KRT15: variants seen among roughly 807,000 people sequenced by gnomAD.
KRT15 encodes the protein keratin 15, also known as keratin, type I cytoskeletal 15.
KRT15 carries 45 observed loss-of-function variants against 46.6 expected under a neutral mutation model. That is an observed-to-expected ratio of 0.97 (90% CI 0.76 to 1.24). KRT15 has a LOEUF of 1.24. Among genes scored for constraint, KRT15 ranks in the 50% most tolerant of loss-of-function variants. KRT15 has a pLI of 0.00. For missense variants in KRT15, 592 were observed against 588.9 expected (o/e 1.01, Z -0.05); for synonymous variants, 221 against 233.8 (o/e 0.95, Z 0.50).
chr17:41,516,239 C>T lies in KRT15; in HGVS notation c.765G>A (p.Leu255=), dbSNP rs1345936584. ...EEEMKEFSSQ[L]AGQVNVEMDA... is the part of the protein sequence containing the mutation. ...CCATCTCCACATTGACCTGGCCGGCCAGCTGGCTGCTGAACTCCTTCATCT... is the reference window on the plus strand; with the variant it reads ...CCATCTCCACATTGACCTGGCCGGCTAGCTGGCTGCTGAACTCCTTCATCT... Residue 255 remains leucine (L), a synonymous_variant, in exon 4 of 8, where the codon CTG becomes CTA. Coordinates refer to ENST00000254043, the MANE Select transcript of KRT15 (RefSeq NM_002275.4). 1.2e-6 allele frequency: 2 copies of T among 1,613,790 alleles called. No individual in the cohort carries two copies. The highest frequency in any genetic ancestry group is 2.2e-5 in the East Asian group (1 of 44,890).
At position 41,515,512 on chromosome 17, in the gene KRT15, T is replaced by G; in HGVS notation, c.1207A>C (p.Ile403Leu). 1.2e-6 allele frequency: 2 copies of G among 1,613,904 alleles called. No individual in the cohort carries two copies. Among genetic ancestry groups the G allele is most frequent in the Non-Finnish European group, 1.7e-6 (2 of 1,180,028 alleles). ...LDIKTRLEQE[I>L]ATYRSLLEGQ... is the part of the protein sequence containing the mutation. ...TCGAGCAGGCTGCGGTAAGTAGCGATCTCCTGCTCCAGCCGTGTCTTTATG... is the reference window on the plus strand; with the variant it reads ...TCGAGCAGGCTGCGGTAAGTAGCGAGCTCCTGCTCCAGCCGTGTCTTTATG... The change falls in exon 6 of 8, where the codon ATC becomes CTC. Residue 403 changes from isoleucine (I) to leucine (L), a missense_variant. Physicochemically the swap from Ile to Leu is conservative, Grantham distance 5 (BLOSUM62 2). Transcript: ENST00000254043.
Position 41,518,421 on chromosome 17 carries a change from T to C in KRT15, c.407A>G (p.Lys136Arg). The C allele has an allele frequency of 2.5e-6, 4 of 1,614,080 alleles. No homozygotes were observed. The highest frequency in any genetic ancestry group is 3.4e-6 in the Non-Finnish European group (4 of 1,179,990). ...LEEANADLEVKIHDWYQKQTP... is the reference protein window; with the variant it reads ...LEEANADLEVRIHDWYQKQTP... ...CTGCTTCTGGTACCAGTCATGGATC[T>C]TCACCTCCAGGTCAGCATTGGCCTC... Residue 136 changes from lysine (K) to arginine (R), a missense_variant, in exon 1 of 8, where the codon AAG becomes AGG. By Grantham distance (26) the Lys-to-Arg change is conservative. Coordinates refer to ENST00000254043, the MANE Select transcript of KRT15 (RefSeq NM_002275.4).
rs144238596 is a variant in KRT15 at position 41,515,636 on chromosome 17, C to T, written c.1083G>A (p.Leu361=). The T allele has an allele frequency of 2.2e-4, 353 of 1,614,088 alleles. No homozygotes were observed. Among genetic ancestry groups the T allele is most frequent in the Non-Finnish European group, 2.8e-4 (336 of 1,180,046 alleles). ...AETECRYATQ[L]QQIQGLIGGL... The stretch of plus-strand genomic sequence containing the variant: ...CACCAATGAGCCCCTGGATCTGCTG[C>T]AGCTGCGTGGCATAGCGGCACTCTG... Residue 361 remains leucine (L), a synonymous_variant, in exon 6 of 8, where the codon CTG becomes CTA. Coordinates refer to ENST00000254043, the MANE Select transcript of KRT15 (RefSeq NM_002275.4).
chr17:41,518,798 G>A lies in KRT15; in HGVS notation c.30C>T (p.Ser10=), dbSNP rs1319730712. The A allele has an allele frequency of 1.9e-6, 3 of 1,545,472 alleles. No homozygotes were observed. Among genetic ancestry groups the A allele is most frequent in the Non-Finnish European group, 1.7e-6 (2 of 1,151,432 alleles). The stretch of plus-strand genomic sequence containing the variant: ...GGGTTGAGCCACCCCCAAAGGTGGA[G>A]GAAGAAGTTTGCAGAAATGTGGTGG... MTTTFLQTS[S]STFGGGSTRG... is the part of the protein sequence containing the mutation. Residue 10 remains serine (S), a synonymous_variant, in exon 1 of 8, where the codon TCC becomes TCT. Transcript: ENST00000254043.
At chr17:41,515,851 C>G (rs369009119) in intron 5 of KRT15, 34 bp downstream of exon 5, 1 of 1,613,782 alleles carries the variant, frequency 6.2e-7, no homozygotes, top group African/African-American at 1.3e-5. Context: ...CTTCTACCAC[C>G]CGAGAGGCTG....
chr17:41,518,612 C>A lies in KRT15; in HGVS notation c.216G>T (p.Gly72=). 1 of 1,613,592 alleles carries A rather than the reference C, an allele frequency of 6.2e-7. No individual in the cohort carries two copies. The highest frequency in any genetic ancestry group is 8.5e-7 in the Non-Finnish European group (1 of 1,179,846). The part of the protein sequence containing the change: ...GGMRVCGFGG[G]AGSVFGGGFG... Reference sequence around the variant, plus strand: ...AGCCTCCACCGAAAACACTACCAGCCCCTCCACCAAAGCCACAGACCCTCA... The same window carrying A: ...AGCCTCCACCGAAAACACTACCAGCACCTCCACCAAAGCCACAGACCCTCA... The change falls in exon 1 of 8, where the codon GGG becomes GGT. Residue 72 remains glycine (G), a synonymous_variant. Coordinates refer to ENST00000254043, the MANE Select transcript of KRT15 (RefSeq NM_002275.4).
chr17:41,516,739 T>G (rs557939022), intron 3 of KRT15, 69 bp downstream of exon 3: 2 of 1,578,320 alleles, frequency 1.3e-6, no homozygotes, highest in South Asian at 2.3e-5. Flanking sequence ...CTCTGGGCAA[T>G]TTAAGTGAGT....
In KRT15 at chr17:41,518,864, C is replaced by T; in HGVS notation, c.-37G>A. ...TGGAGCCCGTGAGTTCTCAGCAAAC[C>T]CAAGAGATGCTGGCAGGAGGTACCA... On this transcript the variant is annotated 5_prime_UTR_variant, in exon 1 of 8. Transcript: ENST00000254043. 1 of 1,522,546 alleles carries T rather than the reference C, an allele frequency of 6.6e-7. No individual in the cohort carries two copies. The highest frequency in any genetic ancestry group is 8.8e-7 in the Non-Finnish European group (1 of 1,139,580). The allele number at this position is 1,522,546 out of a possible 1,614,324, so 94.3% of individuals were successfully genotyped here.
In KRT15 at chr17:41,513,903, C is replaced by A; in HGVS notation, c.*120G>T. The A allele has an allele frequency of 1.3e-6, 1 of 774,240 alleles. No individual in the cohort carries two copies. The allele number at this position is 774,240 out of a possible 1,614,324, so 48.0% of individuals were successfully genotyped here. A position where few individuals can be genotyped will look rare whatever the true frequency, so the allele number is the denominator to read the frequency against. On this transcript the variant is annotated 3_prime_UTR_variant, in exon 8 of 8. Transcript: ENST00000254043. ...AGCCCTGAAATAAAAGACCGAGGGA[C>A]CCTTTTCAGCTCTCTGAAGGCAGGG...
At chr17:41,515,344 C>A in intron 6 of KRT15, 128 bp downstream of exon 6, 1 of 751,242 alleles carries the variant, frequency 1.3e-6, no homozygotes, top group Non-Finnish European at 2.2e-6. Flanking sequence ...GATCCTCCCT[C>A]CTTGCTCAGT....
chr17:41,515,447 C>T (rs781015027), intron 6 of KRT15, 25 bp downstream of exon 6: 28 of 1,605,228 alleles, frequency 1.7e-5, no homozygotes, highest in East Asian at 2.2e-5. Context: ...CCTCATCACT[C>T]CTTCCCCTGT....
Position 41,515,886 on chromosome 17 carries a change from A to G in KRT15, c.1025T>C (p.Met342Thr). ...LEIELQSQLS[M>T]KAGLENSLAE... Reference sequence around the variant, plus strand: ...GGGATGGGGCGCGAGTGGCCGTACCATGCTGAGCTGGGACTGCAGCTCGAT... The same window carrying G: ...GGGATGGGGCGCGAGTGGCCGTACCGTGCTGAGCTGGGACTGCAGCTCGAT... The change falls in exon 5 of 8, where the codon ATG (methionine) becomes ACG (threonine). Residue 342 changes from methionine to threonine, a missense_variant and splice_region_variant. Met to Thr is a moderately conservative substitution (Grantham distance 81). Transcript: ENST00000254043. 1 of 1,613,934 alleles carries G rather than the reference A, an allele frequency of 6.2e-7. No individual in the cohort carries two copies.
rs1597772893 is a variant in KRT15, at chr17:41,515,464, G to A, written c.1247+8C>T. ...TCATCACTCCTTCCCCTGTGCCCAG[G>A]CGCCTACTTGGCATCCTGGCCCTCG... On this transcript the variant is annotated splice_region_variant and intron_variant, in intron 6 of 7. Transcript: ENST00000254043. 6.2e-7 allele frequency: 1 copy of A among 1,612,004 alleles called. No individual in the cohort carries two copies. Among genetic ancestry groups the A allele is most frequent in the Non-Finnish European group, 8.5e-7 (1 of 1,179,500 alleles).
chr17:41,515,847 C>T, intron 5 of KRT15, 38 bp downstream of exon 5: 1 of 1,613,646 alleles, frequency 6.2e-7, no homozygotes, highest in African/African-American at 1.3e-5. Context: ...GGAGCTTCTA[C>T]CACCCGAGAG....
In KRT15 at chr17:41,513,974, C is replaced by T; in HGVS notation, c.*49G>A. ...GCCCTCTGGCCAGTCCTCCACTTGG[C>T]CTGATGAGAGTGGGGAGTGGCAAGG... On this transcript the variant is annotated 3_prime_UTR_variant, in exon 8 of 8. Transcript: ENST00000254043. 2 of 1,375,610 alleles carry T rather than the reference C, an allele frequency of 1.5e-6. No individual in the cohort carries two copies. The highest frequency in any genetic ancestry group is 2.1e-6 in the Non-Finnish European group (2 of 962,982). 85.2% of individuals were successfully genotyped at this position (1,375,610 alleles called of 1,614,324 possible). A position where few individuals can be genotyped will look rare whatever the true frequency, so the allele number is the denominator to read the frequency against.
chr17:41,516,471 T>C (rs1048518101), intron 3 of KRT15, among the ~76,000 whole-genome samples: 1 of 151,910 alleles, frequency 6.6e-6, no homozygotes, highest in Non-Finnish European at 1.5e-5. Context: ...ACCCCGAGAC[T>C]GTAGGGCCCT....
At chr17:41,515,825 C>T in intron 5 of KRT15, 60 bp downstream of exon 5, 2 of 1,612,416 alleles carry the variant, frequency 1.2e-6, no homozygotes, top group Non-Finnish European at 1.7e-6. Context: ...GCTTAAATAG[C>T]CAGGAAGAGT....
chr17:41,515,872 C>T lies in KRT15; in HGVS notation c.1026+13G>A, dbSNP rs779296116. Reference sequence around the variant, plus strand: ...CCACCCGAGAGGCTGGGATGGGGCGCGAGTGGCCGTACCATGCTGAGCTGG... The same window carrying T: ...CCACCCGAGAGGCTGGGATGGGGCGTGAGTGGCCGTACCATGCTGAGCTGG... On this transcript the variant is annotated intron_variant, in intron 5 of 7. Coordinates refer to ENST00000254043, the MANE Select transcript of KRT15 (RefSeq NM_002275.4). 9.9e-6 allele frequency: 16 copies of T among 1,613,790 alleles called. No individual in the cohort carries two copies. The African/African-American group carries it at 1.5e-4, about 15-fold the overall frequency.
At chr17:41,515,774 G>A (rs1403586002) in intron 5 of KRT15, 82 bp from the exon 6 acceptor site, 1 of 1,598,536 alleles carries the variant, frequency 6.3e-7, no homozygotes, top group African/African-American at 1.3e-5. Context: ...ACTGAATGGA[G>A]TTCAGGGAAC....
Sources: allele counts gnomAD v4.1 joint callset (sites outside exome capture counted in the v4.1 genomes callset), GRCh38; gene constraint gnomAD v4.1.1; transcripts MANE v1.5; gene names NCBI Gene and HGNC (gene_info 2026-07-23, HGNC 2026-07-21).